The following GABRB3 variants were observed in gnomAD, a reference collection of about 807,000 sequenced individuals.
GABRB3 encodes gamma-aminobutyric acid type A receptor subunit beta3.
A neutral mutation model predicts 52.1 loss-of-function variants in GABRB3; 14 were observed. That is an observed-to-expected ratio of 0.27 (90% CI 0.18 to 0.42). The LOEUF is 0.42. GABRB3 is among the 10% of genes least tolerant of loss of function. The pLI is 1.00. For missense variants in GABRB3, 307 were observed against 609.1 expected (o/e 0.50, Z 5.22); for synonymous variants, 260 against 232.3 (o/e 1.12, Z -1.08).
chr15:26,699,432 C>A (rs1023837408), intron 3 of GABRB3, among the ~76,000 whole-genome samples: 10 of 151,626 alleles, frequency 6.6e-5, no homozygotes, highest in African/African-American at 2.4e-4. Flanking sequence ...ACAGAGATTA[C>A]CAGACAAGTA....
At chr15:26,664,646 A>G (rs1887646972) in intron 3 of GABRB3, among the ~76,000 whole-genome samples, 1 of 151,516 alleles carries the variant, frequency 6.6e-6, no homozygotes, top group Non-Finnish European at 1.5e-5. Flanking sequence ...GCAATGATCA[A>G]ACCACGGTAA....
chr15:26,681,514 G>A (rs1321977550), intron 3 of GABRB3, among the ~76,000 whole-genome samples: 1 of 152,092 alleles, frequency 6.6e-6, no homozygotes, highest in Non-Finnish European at 1.5e-5. Flanking sequence ...TCCTCCAACG[G>A]GCTATGGATT....
At chr15:26,589,529 C>G (rs1595463871) in intron 4 of GABRB3, among the ~76,000 whole-genome samples, 1 of 152,248 alleles carries the variant, frequency 6.6e-6, no homozygotes, top group Non-Finnish European at 1.5e-5. Context: ...TTCTGATTTC[C>G]CTGGCTGGTC....
intron 6 of GABRB3, among the ~76,000 whole-genome samples, chr15:26,579,298 G>T (rs1221669875): frequency 6.6e-6 from 1 of 152,174 alleles, no homozygotes; most frequent in African/African-American, 2.4e-5. Flanking sequence ...GCTGGAAGGT[G>T]GTCAGTACTG....
At chr15:26,651,273 T>G (rs1053335940) in intron 3 of GABRB3, among the ~76,000 whole-genome samples, 1 of 152,226 alleles carries the variant, frequency 6.6e-6, no homozygotes, top group African/African-American at 2.4e-5. Context: ...CCTCACCCGC[T>G]TGTTCACACA....
intron 3 of GABRB3, among the ~76,000 whole-genome samples, chr15:26,686,394 G>C (rs752106525): frequency 2.6e-5 from 4 of 152,198 alleles, no homozygotes; most frequent in Non-Finnish European, 5.9e-5. Flanking sequence ...TCACCTCTTT[G>C]CTGTTGTTGA....
chr15:26,744,387 C>T (rs1032565673), intron 3 of GABRB3, among the ~76,000 whole-genome samples: 1 of 151,768 alleles, frequency 6.6e-6, no homozygotes, highest in African/African-American at 2.4e-5. Flanking sequence ...TTAATAACTA[C>T]AGTGGAAATC....
At chr15:26,743,145 G>T (rs1332230260) in intron 3 of GABRB3, among the ~76,000 whole-genome samples, 2 of 152,026 alleles carry the variant, frequency 1.3e-5, no homozygotes, top group Non-Finnish European at 2.9e-5. Context: ...GGTCAGGCTG[G>T]TCTCAAACTC....
chr15:26,728,924 G>A (rs1889838946), intron 3 of GABRB3, among the ~76,000 whole-genome samples: 1 of 152,182 alleles, frequency 6.6e-6, no homozygotes, highest in South Asian at 2.1e-4. Context: ...AATGTGCAAT[G>A]AAAATGTAGC....
At chr15:26,677,459 G>A (rs1888104926) in intron 3 of GABRB3, among the ~76,000 whole-genome samples, 1 of 152,080 alleles carries the variant, frequency 6.6e-6, no homozygotes, top group South Asian at 2.1e-4. Flanking sequence ...AGGAAGCCAA[G>A]GGCTCTGGCC....
At chr15:26,591,219 G>A (rs1471335317) in intron 4 of GABRB3, among the ~76,000 whole-genome samples, 1 of 152,150 alleles carries the variant, frequency 6.6e-6, no homozygotes. Flanking sequence ...CTAGCTGATT[G>A]TTACACAGCA....
At chr15:26,607,323 A>C (rs184080889) in intron 4 of GABRB3, among the ~76,000 whole-genome samples, 62 of 152,310 alleles carry the variant, frequency 4.1e-4, no homozygotes, top group African/African-American at 1.3e-3. Flanking sequence ...AACTAATTTA[A>C]AAGTAAAATC....
Position 26,707,576 on chromosome 15 carries a change from T to G in GABRB3, c.240+64826A>C, listed in dbSNP as rs991405544. 5.5e-4 allele frequency among the ~76,000 whole-genome samples: 83 copies of G among 152,226 alleles called. 1 individual carries two copies. Among genetic ancestry groups the G allele is most frequent in the African/African-American group, 1.8e-3 (75 of 41,544 alleles). ...AGAATATGGTCCAGGAAGAAGAGGA[T>G]GCATTCATTATTGGCAATGGTGCAT... is the stretch of plus-strand genomic sequence containing the variant. On this transcript the variant is annotated intron_variant, in intron 3 of 8. Transcript: ENST00000311550.
intron 3 of GABRB3, among the ~76,000 whole-genome samples, chr15:26,654,673 A>C: frequency 6.6e-6 from 1 of 152,240 alleles, no homozygotes; most frequent in South Asian, 2.1e-4. Flanking sequence ...ACTTAAGAGA[A>C]GCATGTGAGA....
chr15:26,753,958 T>G (rs1169254978), intron 3 of GABRB3, among the ~76,000 whole-genome samples: 1 of 152,238 alleles, frequency 6.6e-6, no homozygotes, highest in Non-Finnish European at 1.5e-5. Context: ...GAGAATGTTC[T>G]GGGTGGTGAA....
chr15:26,552,317 C>T (rs2928696), intron 8 of GABRB3, among the ~76,000 whole-genome samples: 116,843 of 152,236 alleles, frequency 0.77, 46,029 homozygotes, highest in African/African-American at 0.92. Flanking sequence ...TTCTGTTATG[C>T]ATCTGTCCTT....
intron 4 of GABRB3, among the ~76,000 whole-genome samples, chr15:26,586,144 G>A (rs866733748): frequency 4.6e-5 from 7 of 151,908 alleles, no homozygotes; most frequent in South Asian, 2.1e-4. Flanking sequence ...GACTACAGGC[G>A]CCTGCCACCA....
At chr15:26,573,508 G>A (rs1890483708) in intron 6 of GABRB3, among the ~76,000 whole-genome samples, 1 of 152,152 alleles carries the variant, frequency 6.6e-6, no homozygotes, top group Admixed American at 6.5e-5. Context: ...GTGCAGCAAA[G>A]AACAGGGATG....
chr15:26,628,697 A>C (rs1300149548), intron 3 of GABRB3, among the ~76,000 whole-genome samples: 1 of 131,920 alleles, frequency 7.6e-6, no homozygotes, highest in Admixed American at 7.4e-5. Flanking sequence ...AAACAAAAAA[A>C]CAAAACAAAA....
Sources: gnomAD v4.1 joint callset for allele counts (sites outside exome capture counted in the v4.1 genomes callset) on GRCh38, gnomAD v4.1.1 for gene constraint, MANE v1.5 for transcripts, NCBI Gene and HGNC (gene_info 2026-07-23, HGNC 2026-07-21) for gene names.